PNP: variants seen among roughly 807,000 people sequenced by gnomAD.
PNP encodes the protein HEL-S-156an.
A neutral mutation model predicts 26.8 loss-of-function variants in PNP; 18 were observed. The observed-to-expected ratio is 0.67, with a 90% CI of 0.46 to 1.00. The LOEUF is 1.00. Among genes scored for constraint, PNP ranks in the 50% least tolerant of loss-of-function variants. The pLI is 0.00. For missense variants in PNP, 320 were observed against 362.9 expected (o/e 0.88, Z 0.96); for synonymous variants, 116 against 124.8 (o/e 0.93, Z 0.47).
At chr14:20,474,257 A>G (rs373572486) in intron 2 of PNP, 3 of 535,980 alleles carry the variant, frequency 5.6e-6, no homozygotes, top group East Asian at 3.4e-5. Context: ...AACGCACCCC[A>G]TATCTCTAAT....
chr14:20,472,598 T>A, intron 2 of PNP, 121 bp downstream of exon 2: 1 of 984,694 alleles, frequency 1.0e-6, no homozygotes, highest in Non-Finnish European at 1.6e-6. Flanking sequence ...ACAAATGTTG[T>A]AAGAGAGGAG....
rs1882128755 is a variant in PNP, at chr14:20,476,901, T to C, written c.*300T>C. On this transcript the variant is annotated 3_prime_UTR_variant, in exon 6 of 6. Coordinates refer to ENST00000361505, the MANE Select transcript of PNP (RefSeq NM_000270.4). ...GTGCCCTACCACACATCTGTGGAGA[T>C]GCCCAGGATTTGACTCGGGCCTTAG... 4.7e-6 allele frequency: 2 copies of C among 427,284 alleles called. No homozygotes were observed. The highest frequency in any genetic ancestry group is 2.0e-5 in the African/African-American group (1 of 49,484). 26.5% of individuals were successfully genotyped at this position (427,284 alleles called of 1,614,324 possible). A position where few individuals can be genotyped will look rare whatever the true frequency, so the allele number is the denominator to read the frequency against.
chr14:20,474,274 T>G, intron 2 of PNP, 198 bp from the exon 3 acceptor site: 1 of 563,380 alleles, frequency 1.8e-6, no homozygotes, highest in Non-Finnish European at 3.2e-6. Context: ...TAATCTTGGG[T>G]TGTATTTGTA....
chr14:20,471,202 T>TTTC (rs1275807632), intron 1 of PNP, among the ~76,000 whole-genome samples: 1 of 136,124 alleles, frequency 7.3e-6, no homozygotes, highest in Non-Finnish European at 1.5e-5. Context: ...GGCTAATTTT[T>TTTC]TTTTTTTTTT....
Position 20,474,582 on chromosome 14 carries a change from C to T in PNP, c.285+7C>T. ...AGGGTACCCACTCTGGAAGGTAAGT[C>T]AGAGGGATAGGTCCGGTTGGATCTG... On this transcript the variant is annotated splice_region_variant and intron_variant, in intron 3 of 5. Transcript: ENST00000361505. The T allele has an allele frequency of 1.2e-6, 2 of 1,610,700 alleles. No homozygotes were observed. The highest frequency in any genetic ancestry group is 2.2e-5 in the East Asian group (1 of 44,866).
chr14:20,473,700 GGA>G (rs1882036911), intron 2 of PNP: 1 of 152,054 alleles, frequency 6.6e-6, no homozygotes. Flanking sequence ...CGAGTAGCTG[GGA>G]TTACAGGCAT....
rs1470457656 is a variant in PNP at position 20,469,731 on chromosome 14, C to A, written c.11+196C>A. The A allele has an allele frequency of 4.1e-6, 3 of 733,258 alleles. No individual in the cohort carries two copies. The Admixed American group carries it at 6.8e-5, about 17-fold the overall frequency. 45.4% of individuals were successfully genotyped at this position (733,258 alleles called of 1,614,324 possible). A position where few individuals can be genotyped will look rare whatever the true frequency, so the allele number is the denominator to read the frequency against. ...CAGCCAGCGCGGGCAGGGACGCACG[C>A]GGGAATCGAGCTGGGGTGGCGCCAC... On this transcript the variant is annotated intron_variant, in intron 1 of 5. Coordinates refer to ENST00000361505, the MANE Select transcript of PNP (RefSeq NM_000270.4).
In PNP at chr14:20,475,158, G is replaced by T; in HGVS notation, c.558G>T (p.Glu186Asp). The change falls in exon 5 of 6, where the codon GAG becomes GAT. Residue 186 changes from glutamate to aspartate, a missense_variant. Transcript: ENST00000361505. ...STWKQMGEQR[E>D]LQEGTYVMVA... is the part of the protein sequence containing the mutation. ...GGAAACAAATGGGGGAGCAACGTGA[G>T]CTACAGGAAGGCACCTATGTGATGG... 9 of 1,614,218 alleles carry T rather than the reference G, an allele frequency of 5.6e-6. No homozygotes were observed. The highest frequency in any genetic ancestry group is 1.3e-5 in the African/African-American group (1 of 75,058).
At position 20,472,294 on chromosome 14, in the gene PNP, T is replaced by A; in HGVS notation, c.12-14T>A. ...ATGGGAGCAGAATTCACCTTGATAT[T>A]TTTTCTCCCCCAGATACACCTATGA... On this transcript the variant is annotated splice_polypyrimidine_tract_variant and intron_variant, in intron 1 of 5. Coordinates refer to ENST00000361505, the MANE Select transcript of PNP (RefSeq NM_000270.4). 3.7e-6 allele frequency: 6 copies of A among 1,612,044 alleles called. No individual in the cohort carries two copies. Among genetic ancestry groups the A allele is most frequent in the Non-Finnish European group, 5.1e-6 (6 of 1,178,292 alleles).
At chr14:20,469,700 A>C (rs1399592183) in intron 1 of PNP, 165 bp downstream of exon 1, 1 of 973,136 alleles carries the variant, frequency 1.0e-6, no homozygotes, top group Non-Finnish European at 1.6e-6. Flanking sequence ...CGGCAGAGTC[A>C]TGCGGCAGCC....
At position 20,472,469 on chromosome 14, in the gene PNP, G is replaced by C. The variant is rs199763463; in HGVS notation, c.173G>C (p.Arg58Pro). The change falls in exon 2 of 6, where the codon CGA (arginine) becomes CCA (proline). Residue 58 changes from arginine to proline, a missense_variant. Coordinates refer to ENST00000361505, the MANE Select transcript of PNP (RefSeq NM_000270.4). ...FDYGEIPNFP[R>P]STVPGHAGRL... ...TACGGTGAAATCCCCAACTTTCCCC[G>C]AAGTACAGGTACTGGCAAGGGAAAG... 1 of 1,613,820 alleles carries C rather than the reference G, an allele frequency of 6.2e-7. No homozygotes were observed. Among genetic ancestry groups the C allele is most frequent in the East Asian group, 2.2e-5 (1 of 44,882 alleles).
rs761420050 is a variant in PNP at position 20,476,633 on chromosome 14, C to A, written c.*32C>A. On this transcript the variant is annotated 3_prime_UTR_variant, in exon 6 of 6. Coordinates refer to ENST00000361505, the MANE Select transcript of PNP (RefSeq NM_000270.4). Reference sequence around the variant, plus strand: ...TTGGAGTCGTCTGGCATCTCCCACACAAGACCCAAGTAGCTGCTACCTTCT... The same window carrying A: ...TTGGAGTCGTCTGGCATCTCCCACAAAAGACCCAAGTAGCTGCTACCTTCT... 1.3e-6 allele frequency: 2 copies of A among 1,558,038 alleles called. No homozygotes were observed. Among genetic ancestry groups the A allele is most frequent in the South Asian group, 2.2e-5 (2 of 89,806 alleles).
chr14:20,476,339 T>C, intron 5 of PNP, 45 bp from the exon 6 acceptor site: 2 of 1,427,512 alleles, frequency 1.4e-6, no homozygotes, highest in Non-Finnish European at 2.0e-6. Flanking sequence ...GGAAAAGAGT[T>C]ATTTGAGGAT....
At chr14:20,471,340 C>T (rs961565183) in intron 1 of PNP, among the ~76,000 whole-genome samples, 11 of 151,652 alleles carry the variant, frequency 7.3e-5, no homozygotes, top group African/African-American at 2.4e-4. Context: ...TGAGCCACCG[C>T]GCCCAGCCCC....
intron 1 of PNP, among the ~76,000 whole-genome samples, chr14:20,471,132 A>C (rs1445407212): frequency 2.0e-5 from 3 of 148,206 alleles, no homozygotes; most frequent in African/African-American, 7.5e-5. Context: ...CCGGGTTCAC[A>C]CCATTCTACT....
chr14:20,474,594 TC>T lies in PNP; in HGVS notation c.285+21del, dbSNP rs1226439195. ...CTGGAAGGTAAGTCAGAGGGATAGG[TC>T]CGGTTGGATCTGGAAGAGGCAGGAG... is the stretch of plus-strand genomic sequence containing the variant. On this transcript the variant is annotated intron_variant, in intron 3 of 5. Transcript: ENST00000361505. 6 of 1,600,760 alleles carry T rather than the reference TC, an allele frequency of 3.7e-6. No individual in the cohort carries two copies. The highest frequency in any genetic ancestry group is 5.1e-6 in the Non-Finnish European group (6 of 1,167,956).
chr14:20,472,332 C>T lies in PNP; in HGVS notation c.36C>T (p.Asn12=), dbSNP rs147041973. The T allele has an allele frequency of 1.7e-5, 27 of 1,613,716 alleles. No homozygotes were observed. The highest frequency in any genetic ancestry group is 2.2e-5 in the Non-Finnish European group (26 of 1,179,732). Residue 12 remains asparagine (N), a synonymous_variant, in exon 2 of 6, where the codon AAC becomes AAT. Transcript: ENST00000361505. Reference sequence around the variant, plus strand: ...GATACACCTATGAAGATTATAAGAACACTGCAGAATGGCTTCTGTCTCACA... The same window carrying T: ...GATACACCTATGAAGATTATAAGAATACTGCAGAATGGCTTCTGTCTCACA... The part of the protein sequence containing the change: ...ENGYTYEDYK[N]TAEWLLSHTK...
At chr14:20,471,410 TTGTG>T (rs763154191) in intron 1 of PNP, among the ~76,000 whole-genome samples, 1 of 148,996 alleles carries the variant, frequency 6.7e-6, no homozygotes, top group Admixed American at 6.7e-5. Context: ...TGTGGGGGTT[TTGTG>T]TGTGTGTGTG....
Position 20,471,178 on chromosome 14 carries a change from C to T in PNP, c.12-1130C>T, listed in dbSNP as rs530754876. Among the ~76,000 whole-genome samples the T allele has an allele frequency of 2.6e-5, 4 of 150,948 alleles. No homozygotes were observed. In the East Asian group the frequency reaches 7.8e-4, roughly 29 times the overall value. On this transcript the variant is annotated intron_variant, in intron 1 of 5. Transcript: ENST00000361505. Reference sequence around the variant, plus strand: ...CCCGTGTAGCTAGGACTACAGGGGCCCGCCACCACGCCCGGCTAATTTTTT... The same window carrying T: ...CCCGTGTAGCTAGGACTACAGGGGCTCGCCACCACGCCCGGCTAATTTTTT...
Sources: gnomAD v4.1 joint callset for allele counts (sites outside exome capture counted in the v4.1 genomes callset) on GRCh38, gnomAD v4.1.1 for gene constraint, MANE v1.5 for transcripts, NCBI Gene and HGNC (gene_info 2026-07-23, HGNC 2026-07-21) for gene names.